CUX1: variants seen among roughly 807,000 people sequenced by gnomAD.
CUX1 encodes protein CASP.
Under a neutral mutation model 158.8 loss-of-function variants are expected in CUX1, and 31 were observed. That is an observed-to-expected ratio of 0.20 (90% confidence interval 0.15 to 0.26). The LOEUF is 0.26. Ranked by LOEUF, CUX1 falls within the 10% of genes least tolerant of loss-of-function variation. CUX1 has a pLI of 1.00. For missense variants in CUX1, 1,589 were observed against 2,014.6 expected (o/e 0.79, Z 4.04); for synonymous variants, 879 against 862.1 (o/e 1.02, Z -0.34).
Position 102,249,686 on chromosome 7 carries a change from G to A in CUX1, c.*644G>A. 8 of 985,434 alleles carry A rather than the reference G, an allele frequency of 8.1e-6. No individual in the cohort carries two copies. The highest frequency in any genetic ancestry group is 9.6e-6 in the Non-Finnish European group (8 of 829,840). 61.0% of individuals were successfully genotyped at this position (985,434 alleles called of 1,614,324 possible). A position where few individuals can be genotyped will look rare whatever the true frequency, so the allele number is the denominator to read the frequency against. On this transcript the variant is annotated 3_prime_UTR_variant, in exon 24 of 24. Transcript: ENST00000292535. ...AAACCAGGAAAAAATAAAAGGGGGG[G>A]TGGGATTTTTCAGAAAAATTAAAAA...
chr7:102,070,058 A>T (rs1825958581), intron 3 of CUX1, among the ~76,000 whole-genome samples: 1 of 152,174 alleles, frequency 6.6e-6, no homozygotes, highest in South Asian at 2.1e-4. Flanking sequence ...AAGACAAAAG[A>T]CCAGGAAGGG....
chr7:102,156,531 G>A (rs1292308185), intron 8 of CUX1, among the ~76,000 whole-genome samples: 3 of 152,116 alleles, frequency 2.0e-5, no homozygotes. Context: ...CCATTCATGA[G>A]GGCATCCACT....
At chr7:101,964,282 G>T (rs565238578) in intron 2 of CUX1, among the ~76,000 whole-genome samples, 12 of 152,076 alleles carry the variant, frequency 7.9e-5, no homozygotes, top group Non-Finnish European at 1.5e-4. Flanking sequence ...GAACCTGGGG[G>T]GCGGAGGTTG....
At chr7:101,863,461 C>T in intron 1 of CUX1, among the ~76,000 whole-genome samples, 1 of 151,968 alleles carries the variant, frequency 6.6e-6, no homozygotes, top group Non-Finnish European at 1.5e-5. Flanking sequence ...AGCGATTCTC[C>T]TGCCTCAGCC....
At chr7:102,047,526 T>A (rs1563173549) in intron 3 of CUX1, among the ~76,000 whole-genome samples, 1 of 124,996 alleles carries the variant, frequency 8.0e-6, no homozygotes, top group East Asian at 2.7e-4. Flanking sequence ...GAGGGAGAGA[T>A]GGATGGATGG....
intron 21 of CUX1, among the ~76,000 whole-genome samples, chr7:102,232,327 A>G (rs1219978618): frequency 6.6e-6 from 1 of 152,128 alleles, no homozygotes; most frequent in African/African-American, 2.4e-5. Context: ...TAGGGAAAAA[A>G]ATTAAAAAGA....
chr7:101,985,539 C>T (rs757177855), intron 2 of CUX1, among the ~76,000 whole-genome samples: 2 of 152,298 alleles, frequency 1.3e-5, no homozygotes, highest in East Asian at 1.9e-4. Context: ...AGGAGAATGC[C>T]GTGGAGACTT....
chr7:102,237,585 T>C lies in CUX1; in HGVS notation c.3623-1735T>C, dbSNP rs148479306. 2.9e-3 allele frequency among the ~76,000 whole-genome samples: 447 copies of C among 152,326 alleles called. 3 individuals are homozygous for C. Among genetic ancestry groups the C allele is most frequent in the African/African-American group, 0.01 (435 of 41,572 alleles). On this transcript the variant is annotated intron_variant, in intron 22 of 23. Coordinates refer to ENST00000292535, the MANE Select transcript of CUX1 (RefSeq NM_181552.4). ...GCGAGAGCCACCACGCCCGGCGATGTCCTTCAGGATTCAGTTTAAACATCA... is the reference window on the plus strand; with the variant it reads ...GCGAGAGCCACCACGCCCGGCGATGCCCTTCAGGATTCAGTTTAAACATCA...
At position 102,170,540 on chromosome 7, in the gene CUX1, C is replaced by A. The variant is rs910023535; in HGVS notation, c.818C>A (p.Ala273Glu). 6.3e-7 allele frequency: 1 copy of A among 1,580,736 alleles called. No individual in the cohort carries two copies. ...SLQLASQIQK[A>E]PDVEQAIEVL... ...CAGCTGGCCTCACAGATCCAGAAGG[C>A]ACCAGACGTGGTGGGTAGCCCCGGC... Residue 273 changes from alanine to glutamate, a missense_variant, in exon 10 of 24, where the codon GCA (alanine) becomes GAA (glutamate). This residue lies in a region of CUX1 where 515 missense variants were observed against 574.4 expected (regional missense o/e 0.90). Coordinates refer to ENST00000292535, the MANE Select transcript of CUX1 (RefSeq NM_181552.4).
intron 2 of CUX1, chr7:101,932,617 G>T (rs887836368): frequency 1.3e-5 from 6 of 455,280 alleles, no homozygotes; most frequent in Non-Finnish European, 2.2e-5. Context: ...GTGTGCTCGG[G>T]GAAAGGTGAT....
At chr7:101,901,743 C>T (rs556142502) in intron 1 of CUX1, among the ~76,000 whole-genome samples, 16 of 152,204 alleles carry the variant, frequency 1.1e-4, no homozygotes, top group Non-Finnish European at 1.8e-4. Context: ...CGTGTCTGCC[C>T]GGGCAGATGT....
chr7:102,030,159 G>A (rs1398101596), intron 3 of CUX1, among the ~76,000 whole-genome samples: 1 of 152,104 alleles, frequency 6.6e-6, no homozygotes, highest in East Asian at 1.9e-4. Flanking sequence ...TTACAGGCAT[G>A]TGCCACCACG....
At chr7:101,843,381 A>T (rs1795363069) in intron 1 of CUX1, among the ~76,000 whole-genome samples, 1 of 152,160 alleles carries the variant, frequency 6.6e-6, no homozygotes, top group Admixed American at 6.5e-5. Flanking sequence ...GATTTCTGCC[A>T]TCTTATTTTG....
chr7:102,117,980 T>C (rs973458722), intron 8 of CUX1, among the ~76,000 whole-genome samples: 1 of 152,198 alleles, frequency 6.6e-6, no homozygotes, highest in East Asian at 1.9e-4. Context: ...GAGAATGGCC[T>C]GAGAGAATTG....
chr7:101,921,305 G>A (rs773883772), intron 2 of CUX1, among the ~76,000 whole-genome samples: 3 of 152,198 alleles, frequency 2.0e-5, no homozygotes, highest in Admixed American at 6.5e-5. Flanking sequence ...GAAGGGCTGC[G>A]CACAGGCCTG....
intron 1 of CUX1, among the ~76,000 whole-genome samples, chr7:101,859,124 C>A (rs1286377479): frequency 2.0e-5 from 3 of 152,136 alleles, no homozygotes; most frequent in African/African-American, 7.2e-5. Flanking sequence ...TTTGTTTATG[C>A]CCTTGTCACT....
intron 1 of CUX1, among the ~76,000 whole-genome samples, chr7:101,903,560 T>C (rs1802397094): frequency 6.6e-6 from 1 of 152,116 alleles, no homozygotes; most frequent in East Asian, 1.9e-4. Flanking sequence ...TGGTCAAATA[T>C]CAGTAATGTC....
At chr7:101,857,329 A>G (rs1186289091) in intron 1 of CUX1, among the ~76,000 whole-genome samples, 1 of 152,122 alleles carries the variant, frequency 6.6e-6, no homozygotes, top group Non-Finnish European at 1.5e-5. Context: ...AGAAATAACT[A>G]TTTTCTTCTT....
intron 20 of CUX1, among the ~76,000 whole-genome samples, chr7:102,206,654 T>C (rs1232502883): frequency 6.6e-6 from 1 of 152,156 alleles, no homozygotes; most frequent in African/African-American, 2.4e-5. Flanking sequence ...CCCAACACTT[T>C]GGGAGGCCGA....
Sources: allele counts gnomAD v4.1 joint callset (sites outside exome capture counted in the v4.1 genomes callset), GRCh38; gene constraint gnomAD v4.1.1; regional missense constraint gnomAD v4.1.1; transcripts MANE v1.5; gene names NCBI Gene and HGNC (gene_info 2026-07-23, HGNC 2026-07-21).